The following KCNQ1 variants were observed in gnomAD, a reference collection of about 807,000 sequenced individuals.
KCNQ1 encodes the protein potassium voltage-gated channel subfamily KQT member 1.
In KCNQ1, 49 loss-of-function variants were observed where a neutral mutation model predicts 72.4. The observed-to-expected ratio is 0.68, with a 90% confidence interval of 0.54 to 0.86. The LOEUF is 0.86. KCNQ1 is among the 40% of genes least tolerant of loss of function. KCNQ1 has a pLI of 0.00. For synonymous variants in KCNQ1, 450 were observed against 412.6 expected (o/e 1.09, Z -1.10); for missense variants, 790 against 945.1 (o/e 0.84, Z 2.15).
intron 10 of KCNQ1, chr11:2,618,303 T>C (rs1176220009): frequency 7.5e-6 from 3 of 398,412 alleles, no homozygotes; most frequent in Admixed American, 4.4e-5. Context: ...CAACAGCTGA[T>C]GGGCTAAAAA....
In KCNQ1 at chr11:2,623,795, A is replaced by T. The variant is rs768469421; in HGVS notation, c.1393+34941A>T. On this transcript the variant is annotated intron_variant, in intron 10 of 15. Coordinates refer to ENST00000155840, the MANE Select transcript of KCNQ1 (RefSeq NM_000218.3). This position sits in a 1 kb window ranked among gnomAD's most constrained non-coding sequence, Gnocchi z 5.2. ...CCTTTGAGTAAATACCAAGGATGTG[A>T]TTGCTGAACTGCATGGTAAGAATAT... The T allele has an allele frequency of 5.3e-5, 21 of 398,472 alleles. No homozygotes were observed. Among genetic ancestry groups the T allele is most frequent in the Non-Finnish European group, 8.8e-5 (20 of 226,054 alleles). The allele number at this position is 398,472 out of a possible 1,614,324, so 24.7% of individuals were successfully genotyped here. A position where few individuals can be genotyped will look rare whatever the true frequency, so the allele number is the denominator to read the frequency against.
At position 2,513,338 on chromosome 11, in the gene KCNQ1, T is replaced by A. The variant is rs1847240394; in HGVS notation, c.387-14590T>A. ...TCTGGACTCAGCTGGAAAGGTTTCA[T>A]GACCTCAAGGGACCCATGGGACTTG... On this transcript the variant is annotated intron_variant, in intron 1 of 15. Coordinates refer to ENST00000155840, the MANE Select transcript of KCNQ1 (RefSeq NM_000218.3). Among the ~76,000 whole-genome samples, 4 of 152,318 alleles carry A rather than the reference T, an allele frequency of 2.6e-5. No individual in the cohort carries two copies. In the South Asian group the frequency reaches 8.3e-4, roughly 32 times the overall value.
In KCNQ1 at chr11:2,647,536, C is replaced by T; in HGVS notation, c.1394-14425C>T. ...TCACAGAATGAGTTAGGGAGAATTCCTTTCTCTTCAGTCTTTTGGAATTGT... is the reference window on the plus strand; with the variant it reads ...TCACAGAATGAGTTAGGGAGAATTCTTTTCTCTTCAGTCTTTTGGAATTGT... On this transcript the variant is annotated intron_variant, in intron 10 of 15. Transcript: ENST00000155840. This position sits in a 1 kb window ranked among gnomAD's most constrained non-coding sequence, Gnocchi z 4.0. 2.5e-6 allele frequency: 1 copy of T among 398,508 alleles called. No individual in the cohort carries two copies. Among genetic ancestry groups the T allele is most frequent in the Non-Finnish European group, 4.4e-6 (1 of 226,038 alleles). The allele number at this position is 398,508 out of a possible 1,614,324, so 24.7% of individuals were successfully genotyped here. A position where few individuals can be genotyped will look rare whatever the true frequency, so the allele number is the denominator to read the frequency against.
chr11:2,617,111 T>C lies in KCNQ1; in HGVS notation c.1393+28257T>C. The C allele has an allele frequency of 2.5e-6, 1 of 398,286 alleles. No individual in the cohort carries two copies. Among genetic ancestry groups the C allele is most frequent in the Admixed American group, 4.4e-5 (1 of 22,698 alleles). 24.7% of individuals were successfully genotyped at this position (398,286 alleles called of 1,614,324 possible). On this transcript the variant is annotated intron_variant, in intron 10 of 15. Transcript: ENST00000155840. The surrounding 1 kb of genome is among the most constrained non-coding windows in gnomAD (Gnocchi z 4.6). ...TGAGAAAAGCTATGATCTACTCAAT[T>C]GGCAAAAATTCCAAATGCAATATAC...
At chr11:2,535,385 T>C (rs1847712864) in intron 2 of KCNQ1, among the ~76,000 whole-genome samples, 1 of 152,174 alleles carries the variant, frequency 6.6e-6, no homozygotes, top group Non-Finnish European at 1.5e-5. Context: ...ACCCCTGATG[T>C]CCCGGCAAGA....
chr11:2,533,227 G>A (rs1426971671), intron 2 of KCNQ1, among the ~76,000 whole-genome samples: 2 of 152,236 alleles, frequency 1.3e-5, no homozygotes, highest in African/African-American at 4.8e-5. Flanking sequence ...CACTGCTAAG[G>A]AAACCCCAGC....
Position 2,599,647 on chromosome 11 carries a change from G to A in KCNQ1, c.1393+10793G>A, listed in dbSNP as rs1262972018. ...TGGAGGATAGAAGTCTGAGATCAAG[G>A]TGTCAGCAAGGCTGCTTTCCCTGAG... On this transcript the variant is annotated intron_variant, in intron 10 of 15. Transcript: ENST00000155840. The surrounding 1 kb of genome is among the most constrained non-coding windows in gnomAD (Gnocchi z 4.7). Among the ~76,000 whole-genome samples, 1 of 152,204 alleles carries A rather than the reference G, an allele frequency of 6.6e-6. No homozygotes were observed. The highest frequency in any genetic ancestry group is 6.5e-5 in the Admixed American group (1 of 15,278).
In KCNQ1 at chr11:2,769,993, G is replaced by A. The variant is rs1846564962; in HGVS notation, c.1590+1074G>A. Among the ~76,000 whole-genome samples, 1 of 152,088 alleles carries A rather than the reference G, an allele frequency of 6.6e-6. No individual in the cohort carries two copies. Among genetic ancestry groups the A allele is most frequent in the Non-Finnish European group, 1.5e-5 (1 of 67,998 alleles). On this transcript the variant is annotated intron_variant, in intron 12 of 15. Coordinates refer to ENST00000155840, the MANE Select transcript of KCNQ1 (RefSeq NM_000218.3). This position sits in a 1 kb window ranked among gnomAD's most constrained non-coding sequence, Gnocchi z 4.6. The stretch of plus-strand genomic sequence containing the variant: ...GCTAGGGTCTGGTCAGGGCTTATGG[G>A]GGCCTTTGTCAAGAGGTCGTTGGGT...
intron 10 of KCNQ1, among the ~76,000 whole-genome samples, chr11:2,596,238 A>G (rs979103441): frequency 1.3e-5 from 2 of 152,244 alleles, no homozygotes; most frequent in African/African-American, 2.4e-5. Context: ...GTGAGAATGC[A>G]AAGTCCAAAG....
intron 10 of KCNQ1, chr11:2,646,815 C>T (rs1689119866): frequency 2.5e-6 from 1 of 398,478 alleles, no homozygotes; most frequent in Admixed American, 4.4e-5. Context: ...CATGTCCACA[C>T]CTACTAATTT....
intron 11 of KCNQ1, among the ~76,000 whole-genome samples, chr11:2,730,829 C>G (rs763406273): frequency 1.3e-5 from 2 of 152,290 alleles, no homozygotes; most frequent in African/African-American, 4.8e-5. Flanking sequence ...GGATGGGGGA[C>G]AGACGCTGGA....
At position 2,683,991 on chromosome 11, in the gene KCNQ1, C is replaced by T. The variant is rs1169911278; in HGVS notation, c.1514+21910C>T. Reference sequence around the variant, plus strand: ...TTTTTTTTTCATTTAGAAGAATTTCCTTGGCAACTCCGTCTCTCCTTAGTC... The same window carrying T: ...TTTTTTTTTCATTTAGAAGAATTTCTTTGGCAACTCCGTCTCTCCTTAGTC... On this transcript the variant is annotated intron_variant, in intron 11 of 15. Transcript: ENST00000155840. This position sits in a 1 kb window ranked among gnomAD's most constrained non-coding sequence, Gnocchi z 4.7. 1 of 397,766 alleles carries T rather than the reference C, an allele frequency of 2.5e-6. No homozygotes were observed. The highest frequency in any genetic ancestry group is 4.4e-5 in the Admixed American group (1 of 22,672). 24.6% of individuals were successfully genotyped at this position (397,766 alleles called of 1,614,324 possible). A position where few individuals can be genotyped will look rare whatever the true frequency, so the allele number is the denominator to read the frequency against.
At chr11:2,584,720 G>T (rs1430452797) in intron 7 of KCNQ1, among the ~76,000 whole-genome samples, 3 of 151,360 alleles carry the variant, frequency 2.0e-5, no homozygotes, top group Non-Finnish European at 4.4e-5. Context: ...CATATCTATT[G>T]TGTGTGTGTG....
chr11:2,507,551 A>G lies in KCNQ1; in HGVS notation c.387-20377A>G, dbSNP rs1021412032. ...GCTGGGACCCCTCGCACCTGGGAGG[A>G]TGCACTTTCTGTTTCTGACATGGGT... On this transcript the variant is annotated intron_variant, in intron 1 of 15. Coordinates refer to ENST00000155840, the MANE Select transcript of KCNQ1 (RefSeq NM_000218.3). This position sits in a 1 kb window ranked among gnomAD's most constrained non-coding sequence, Gnocchi z 5.4. Among the ~76,000 whole-genome samples, 2 of 152,062 alleles carry G rather than the reference A, an allele frequency of 1.3e-5. No homozygotes were observed. The highest frequency in any genetic ancestry group is 4.8e-5 in the African/African-American group (2 of 41,394).
rs532820070 is a variant in KCNQ1, at chr11:2,678,971, T to C, written c.1514+16890T>C. ...ACTCAATAGAGAACAAAAGAGCAAA[T>C]AGGCCTAATTCAAGAATTTTTAAAA... On this transcript the variant is annotated intron_variant, in intron 11 of 15. Transcript: ENST00000155840. This position sits in a 1 kb window ranked among gnomAD's most constrained non-coding sequence, Gnocchi z 4.9. 59 of 398,458 alleles carry C rather than the reference T, an allele frequency of 1.5e-4. No homozygotes were observed. Among genetic ancestry groups the C allele is most frequent in the African/African-American group, 1.1e-3 (53 of 48,676 alleles). 24.7% of individuals were successfully genotyped at this position (398,458 alleles called of 1,614,324 possible).
chr11:2,761,351 T>G (rs34861825), intron 11 of KCNQ1, among the ~76,000 whole-genome samples: 30,646 of 152,022 alleles, frequency 0.2, 3,268 homozygotes, highest in South Asian at 0.27. Flanking sequence ...CGCTTGTGTC[T>G]TCTTCTGCCG....
chr11:2,777,142 A>G (rs907905378), intron 14 of KCNQ1, 110 bp downstream of exon 14: 42 of 1,053,546 alleles, frequency 4.0e-5, no homozygotes, highest in Non-Finnish European at 5.7e-5. Flanking sequence ...TGCACCTCCA[A>G]AGTGCATGAC....
At chr11:2,470,418 C>T (rs142170232) in intron 1 of KCNQ1, among the ~76,000 whole-genome samples, 1 of 151,988 alleles carries the variant, frequency 6.6e-6, no homozygotes, top group Non-Finnish European at 1.5e-5. Flanking sequence ...TTACAGAAGA[C>T]GTATATTGGA....
intron 11 of KCNQ1, among the ~76,000 whole-genome samples, chr11:2,753,001 A>G (rs1391844352): frequency 6.6e-6 from 1 of 152,166 alleles, no homozygotes; most frequent in Admixed American, 6.5e-5. Context: ...CGCTGATATG[A>G]AAACAATCTC....
Sources: gnomAD v4.1 joint callset for allele counts (sites outside exome capture counted in the v4.1 genomes callset) on GRCh38, gnomAD v4.1.1 for gene constraint, Gnocchi (gnomAD v3.1) non-coding constraint, MANE v1.5 for transcripts, NCBI Gene and HGNC (gene_info 2026-07-23, HGNC 2026-07-21) for gene names.